The following CD300E variants were observed in gnomAD, a reference collection of about 807,000 sequenced individuals.
CD300E encodes the protein CMRF35-like molecule 2.
Under a neutral mutation model 20.9 loss-of-function variants are expected in CD300E, and 14 were observed. The ratio of observed to expected loss-of-function variants is 0.67; its 90% CI spans 0.44 to 1.05. The LOEUF (loss-of-function observed/expected upper bound fraction) is 1.05. Ranked by LOEUF, CD300E falls within the 50% of genes least tolerant of loss-of-function variation. The probability of loss-of-function intolerance (pLI) is 0.00; values close to 1 mark genes in which losing one functional copy is unlikely to be tolerated. For synonymous variants in CD300E, 102 were observed against 103.7 expected, an observed-to-expected ratio of 0.98 and a Z score of 0.10; for missense variants, 237 against 253.9, an observed-to-expected ratio of 0.93 and a Z score of 0.45.
At chr17:74,622,149 C>T (rs1167620183) in intron 1 of CD300E, among the ~76,000 whole-genome samples, 6 of 151,662 alleles carry the variant, frequency 4.0e-5, no homozygotes, top group Admixed American at 3.9e-4. Flanking sequence ...TCCTCTTTGT[C>T]ATTTCCCCTC....
chr17:74,617,700 C>A lies in CD300E; in HGVS notation c.41-235G>T, dbSNP rs114476650. ...GCACAGGGGCCCCAGCACCTGGAGA[C>A]CAAAGCTGGAGGCAGGAGCAGAGAG... On this transcript the variant is annotated intron_variant, in intron 1 of 3. Transcript: ENST00000392619. Among the ~76,000 whole-genome samples, 1,841 of 152,314 alleles carry A rather than the reference C, an allele frequency of 0.012. 34 individuals are homozygous for A. The highest frequency in any genetic ancestry group is 0.04 in the African/African-American group (1,663 of 41,568).
chr17:74,619,752 C>A (rs911426556), intron 1 of CD300E, among the ~76,000 whole-genome samples: 3 of 152,216 alleles, frequency 2.0e-5, no homozygotes, highest in African/African-American at 7.2e-5. Flanking sequence ...TTCCCCAGGT[C>A]TCTATTGGGT....
intron 1 of CD300E, among the ~76,000 whole-genome samples, chr17:74,622,345 A>G (rs998221553): frequency 6.6e-6 from 1 of 151,998 alleles, no homozygotes; most frequent in African/African-American, 2.4e-5. Context: ...GCAGTGGCTC[A>G]TGCCTGTAAT....
chr17:74,612,481 C>T lies in CD300E; in HGVS notation c.*172G>A. On this transcript the variant is annotated 3_prime_UTR_variant, in exon 4 of 4. Transcript: ENST00000392619. ...GAGAAAGGAGGACCCCCAAGCTGCACATTGAGGACTCCAGAGGAGTGTCCT... is the reference window on the plus strand; with the variant it reads ...GAGAAAGGAGGACCCCCAAGCTGCATATTGAGGACTCCAGAGGAGTGTCCT... The T allele has an allele frequency of 1.3e-6, 1 of 791,968 alleles. No individual in the cohort carries two copies. The highest frequency in any genetic ancestry group is 1.9e-6 in the Non-Finnish European group (1 of 516,612). 49.1% of individuals were successfully genotyped at this position (791,968 alleles called of 1,614,324 possible). A position where few individuals can be genotyped will look rare whatever the true frequency, so the allele number is the denominator to read the frequency against.
At chr17:74,620,190 G>A (rs916487372) in intron 1 of CD300E, among the ~76,000 whole-genome samples, 10 of 151,232 alleles carry the variant, frequency 6.6e-5, no homozygotes, top group African/African-American at 2.4e-4. Flanking sequence ...TACAAAAATT[G>A]GCCGGGTGTG....
intron 2 of CD300E, among the ~76,000 whole-genome samples, chr17:74,615,906 G>A (rs971596362): frequency 6.6e-6 from 1 of 152,056 alleles, no homozygotes; most frequent in African/African-American, 2.4e-5. Flanking sequence ...GGCAACGCGG[G>A]AAGATGCTGT....
rs746024197 is a variant in CD300E at position 74,617,251 on chromosome 17, G to A, written c.255C>T (p.Leu85=). The change falls in exon 2 of 4, where the codon CTC becomes CTT. Residue 85 remains leucine, a synonymous_variant. Coordinates refer to ENST00000392619, the MANE Select transcript of CD300E (RefSeq NM_181449.3). The part of the protein sequence containing the change: ...RVSIRDHPEA[L]AFTVTMQNLN... ...GGTTCTGCATGGTCACAGTGAAGGC[G>A]AGAGCCTCCGGGTGGTCTCTGATGG... is the stretch of plus-strand genomic sequence containing the variant. The A allele has an allele frequency of 8.1e-6, 13 of 1,614,080 alleles. No homozygotes were observed. Among genetic ancestry groups the A allele is most frequent in the African/African-American group, 4.0e-5 (3 of 74,916 alleles).
intron 1 of CD300E, chr17:74,619,069 C>T (rs1179773958): frequency 2.1e-6 from 1 of 471,238 alleles, no homozygotes; most frequent in East Asian, 6.9e-5. Context: ...CTGCACACCC[C>T]TCCTGAGATT....
chr17:74,612,433 C>G lies in CD300E; in HGVS notation c.*220G>C. On this transcript the variant is annotated 3_prime_UTR_variant, in exon 4 of 4. Transcript: ENST00000392619. Reference sequence around the variant, plus strand: ...TGCCCTTGGGAAGTGGGCATGAGGGCAGGGAGGCAGGGGACTGGGGAGGAG... The same window carrying G: ...TGCCCTTGGGAAGTGGGCATGAGGGGAGGGAGGCAGGGGACTGGGGAGGAG... The G allele has an allele frequency of 6.8e-6, 3 of 438,736 alleles. No homozygotes were observed. The highest frequency in any genetic ancestry group is 3.1e-5 in the South Asian group (1 of 31,974). The allele number at this position is 438,736 out of a possible 1,614,324, so 27.2% of individuals were successfully genotyped here. A position where few individuals can be genotyped will look rare whatever the true frequency, so the allele number is the denominator to read the frequency against.
At chr17:74,614,963 C>T (rs965638396) in intron 2 of CD300E, among the ~76,000 whole-genome samples, 9 of 152,344 alleles carry the variant, frequency 5.9e-5, no homozygotes, top group Non-Finnish European at 1.2e-4. Flanking sequence ...CACCGGTGCC[C>T]GACACAGGCT....
intron 3 of CD300E, among the ~76,000 whole-genome samples, chr17:74,613,350 C>T (rs748848065): frequency 1.4e-4 from 22 of 152,238 alleles, no homozygotes; most frequent in Middle Eastern, 3.2e-3. Flanking sequence ...TGATCCACCG[C>T]CTCGGCCTCC....
At chr17:74,618,036 C>T (rs1210055700) in intron 1 of CD300E, among the ~76,000 whole-genome samples, 2 of 152,184 alleles carry the variant, frequency 1.3e-5, no homozygotes, top group African/African-American at 4.8e-5. Flanking sequence ...CAAGATGACC[C>T]CCCCGACAAT....
At chr17:74,620,249 A>C (rs2030992267) in intron 1 of CD300E, among the ~76,000 whole-genome samples, 1 of 152,200 alleles carries the variant, frequency 6.6e-6, no homozygotes, top group African/African-American at 2.4e-5. Flanking sequence ...AGGCGGGCGG[A>C]TCACCAGAGG....
chr17:74,622,807 G>A (rs1488221325), intron 1 of CD300E, among the ~76,000 whole-genome samples: 1 of 151,626 alleles, frequency 6.6e-6, no homozygotes, highest in Non-Finnish European at 1.5e-5. Context: ...GTGCAATCTC[G>A]GCTCACTGCA....
rs529798930 is a variant in CD300E, at chr17:74,623,598, G to A, written c.24C>T (p.Leu8=). ...CCCACTCACCTGAGAGGCAGAGAAGGAGTAGAGCTGGGAGCAGCCACATGT... is the reference window on the plus strand; with the variant it reads ...CCCACTCACCTGAGAGGCAGAGAAGAAGTAGAGCTGGGAGCAGCCACATGT... The part of the protein sequence containing the change: MWLLPAL[L]LLCLSGCLSL... The change falls in exon 1 of 4, where the codon CTC becomes CTT. Residue 8 remains leucine (L), a synonymous_variant. Transcript: ENST00000392619. 2.1e-5 allele frequency: 34 copies of A among 1,614,194 alleles called. No individual in the cohort carries two copies. Among genetic ancestry groups the A allele is most frequent in the South Asian group, 3.3e-5 (3 of 91,086 alleles).
At chr17:74,621,291 T>G (rs1255795742) in intron 1 of CD300E, among the ~76,000 whole-genome samples, 2 of 152,124 alleles carry the variant, frequency 1.3e-5, no homozygotes, top group Non-Finnish European at 2.9e-5. Flanking sequence ...GTTGATAACA[T>G]TCTAGTTCAT....
At chr17:74,618,502 C>T (rs1185544006) in intron 1 of CD300E, among the ~76,000 whole-genome samples, 1 of 152,118 alleles carries the variant, frequency 6.6e-6, no homozygotes, top group Non-Finnish European at 1.5e-5. Flanking sequence ...TGAAAGAGCC[C>T]CTGGCATCTG....
Position 74,612,564 on chromosome 17 carries a change from A to C in CD300E, c.*89T>G. On this transcript the variant is annotated 3_prime_UTR_variant, in exon 4 of 4. Transcript: ENST00000392619. ...AACAATAAATCCCTCCAGAGTCCAC[A>C]GGTCTCTCGCATCCAGTCTGAAAGG... The C allele has an allele frequency of 1.3e-6, 2 of 1,512,508 alleles. No individual in the cohort carries two copies. Among genetic ancestry groups the C allele is most frequent in the Non-Finnish European group, 1.8e-6 (2 of 1,116,054 alleles). 93.7% of individuals were successfully genotyped at this position (1,512,508 alleles called of 1,614,324 possible).
chr17:74,612,923 G>T (rs989002024), intron 3 of CD300E, 150 bp from the exon 4 acceptor site: 2 of 1,082,862 alleles, frequency 1.8e-6, no homozygotes, highest in East Asian at 5.2e-5. Flanking sequence ...CCCTTCTGTG[G>T]CCCCCATCCC....
Sources: allele counts gnomAD v4.1 joint callset (sites outside exome capture counted in the v4.1 genomes callset), GRCh38; gene constraint gnomAD v4.1.1; transcripts MANE v1.5; gene names NCBI Gene and HGNC (gene_info 2026-07-23, HGNC 2026-07-21).